Variants in C6 observed in about 807,000 individuals in gnomAD.
C6 encodes the protein complement component C6.
A neutral mutation model predicts 112.9 loss-of-function variants in C6; 101 were observed. The observed-to-expected ratio is 0.89, with a 90% CI of 0.76 to 1.06. The LOEUF is 1.06. C6 is among the 50% of genes least tolerant of loss of function. The pLI, the probability that C6 is intolerant of heterozygous loss-of-function variation, is 0.00. For synonymous variants in C6, 431 were observed against 384.1 expected, an observed-to-expected ratio of 1.12 and a Z score of -1.43; for missense variants, 1,202 against 1,104.6, an observed-to-expected ratio of 1.09 and a Z score of -1.25.
chr5:41,219,385 T>G (rs576024628), intron 1 of C6, among the ~76,000 whole-genome samples: 1 of 152,146 alleles, frequency 6.6e-6, no homozygotes, highest in African/African-American at 2.4e-5. Flanking sequence ...CAGATAAAGC[T>G]GTTGAGAGAG....
intron 9 of C6, among the ~76,000 whole-genome samples, chr5:41,170,289 T>G (rs1748317287): frequency 6.6e-6 from 1 of 151,916 alleles, no homozygotes; most frequent in Non-Finnish European, 1.5e-5. Context: ...TGTGATTAAT[T>G]TTATTAATTT....
chr5:41,196,978 G>A (rs1750667394), intron 4 of C6, among the ~76,000 whole-genome samples: 1 of 152,106 alleles, frequency 6.6e-6, no homozygotes, highest in Non-Finnish European at 1.5e-5. Context: ...GTACCAGTAT[G>A]TACAGGTCCA....
chr5:41,211,120 A>C (rs559994691), intron 1 of C6, among the ~76,000 whole-genome samples: 1 of 152,284 alleles, frequency 6.6e-6, no homozygotes, highest in Admixed American at 6.5e-5. Flanking sequence ...CATCATTTTG[A>C]GCAAACTATC....
chr5:41,146,520 A>G (rs980930103), intron 17 of C6, among the ~76,000 whole-genome samples: 12 of 152,170 alleles, frequency 7.9e-5, no homozygotes, highest in African/African-American at 2.4e-4. Flanking sequence ...ATACTTTTCT[A>G]TAGTGCTAAT....
intron 1 of C6, among the ~76,000 whole-genome samples, chr5:41,225,801 A>G (rs1739452326): frequency 6.6e-6 from 1 of 152,192 alleles, no homozygotes; most frequent in Admixed American, 6.5e-5. Context: ...AATGCCACAT[A>G]TCTACAACTA....
At chr5:41,238,397 C>T (rs998521998) in intron 1 of C6, among the ~76,000 whole-genome samples, 12 of 151,940 alleles carry the variant, frequency 7.9e-5, no homozygotes, top group African/African-American at 2.7e-4. Context: ...ATCAATGGAA[C>T]AGAACAGAGC....
chr5:41,243,105 T>C (rs887378961), intron 1 of C6, among the ~76,000 whole-genome samples: 4 of 152,170 alleles, frequency 2.6e-5, no homozygotes, highest in Non-Finnish European at 4.4e-5. Context: ...TAGTGAATAA[T>C]AGGATATTGT....
chr5:41,233,587 G>A (rs1740042842), intron 1 of C6, among the ~76,000 whole-genome samples: 1 of 152,020 alleles, frequency 6.6e-6, no homozygotes, highest in South Asian at 2.1e-4. Flanking sequence ...CAGCAAAGTA[G>A]GCAATAAGAT....
intron 6 of C6, among the ~76,000 whole-genome samples, chr5:41,181,852 A>T (rs184905720): frequency 1.2e-3 from 181 of 152,320 alleles, no homozygotes; most frequent in African/African-American, 4.0e-3. Flanking sequence ...CCTCAAGGAA[A>T]TGCCACCTAA....
intron 1 of C6, among the ~76,000 whole-genome samples, chr5:41,258,468 A>G (rs1741850284): frequency 6.6e-6 from 1 of 152,218 alleles, no homozygotes; most frequent in Non-Finnish European, 1.5e-5. Flanking sequence ...TAACAGAAAA[A>G]GTTTCTAACT....
At chr5:41,200,443 C>T (rs1750925692) in intron 3 of C6, among the ~76,000 whole-genome samples, 1 of 152,094 alleles carries the variant, frequency 6.6e-6, no homozygotes, top group South Asian at 2.1e-4. Context: ...AAAGTACTGA[C>T]TTTGAAGTCA....
At chr5:41,164,021 C>T (rs73750299) in intron 9 of C6, among the ~76,000 whole-genome samples, 3,303 of 149,346 alleles carry the variant, frequency 0.022, 126 homozygotes, top group African/African-American at 0.077. Context: ...AACTCAGACT[C>T]TCAATGAGTA....
At chr5:41,184,756 G>C (rs1228289576) in intron 6 of C6, among the ~76,000 whole-genome samples, 2 of 152,116 alleles carry the variant, frequency 1.3e-5, no homozygotes, top group Admixed American at 1.3e-4. Flanking sequence ...TTACAGATGT[G>C]AGCCACCACA....
chr5:41,187,202 C>A (rs769922017), intron 5 of C6, among the ~76,000 whole-genome samples: 156 of 152,278 alleles, frequency 1.0e-3, no homozygotes, highest in Middle Eastern at 3.4e-3. Context: ...CAATGCCCTT[C>A]CCTTCTCATG....
rs894628602 is a variant in C6 at position 41,212,453 on chromosome 5, C to T, written c.-21+923G>A. Among the ~76,000 whole-genome samples, 50 of 152,080 alleles carry T rather than the reference C, an allele frequency of 3.3e-4. 1 individual carries two copies. Among genetic ancestry groups the T allele is most frequent in the Non-Finnish European group, 1.5e-4 (10 of 68,012 alleles). ...GGATTACAAGCGTGAGCCACCAAGC[C>T]CAGCAACAATTTTTAATCAAATAAA... On this transcript the variant is annotated intron_variant, in intron 1 of 17. Coordinates refer to ENST00000337836, the MANE Select transcript of C6 (RefSeq NM_000065.5).
chr5:41,195,888 C>T lies in C6; in HGVS notation c.491G>A (p.Cys164Tyr), dbSNP rs1262554388. ...GTCCCTTTCATCTGAATTGTCTCCA[C>T]AGTCATTTTCTCCATTGCATTCTAA... is the stretch of plus-strand genomic sequence containing the variant. ...RKLECNGEND[C>Y]GDNSDERDCG... Residue 164 changes from cysteine to tyrosine, a missense_variant, in exon 5 of 18, where the codon TGT becomes TAT. Coordinates refer to ENST00000337836, the MANE Select transcript of C6 (RefSeq NM_000065.5). 1.9e-6 allele frequency: 3 copies of T among 1,613,904 alleles called. No homozygotes were observed. Among genetic ancestry groups the T allele is most frequent in the African/African-American group, 1.3e-5 (1 of 74,930 alleles).
At chr5:41,249,310 A>T (rs1040439740) in intron 1 of C6, among the ~76,000 whole-genome samples, 2 of 152,240 alleles carry the variant, frequency 1.3e-5, no homozygotes, top group African/African-American at 4.8e-5. Flanking sequence ...ACATTAAAAA[A>T]AAGTCAGTTC....
At chr5:41,212,530 A>G (rs1186112904) in intron 1 of C6, among the ~76,000 whole-genome samples, 1 of 152,166 alleles carries the variant, frequency 6.6e-6, no homozygotes, top group Non-Finnish European at 1.5e-5. Context: ...ATATTGTATT[A>G]TATGGTTTCT....
At chr5:41,154,390 C>G (rs1746701525) in intron 14 of C6, among the ~76,000 whole-genome samples, 1 of 151,840 alleles carries the variant, frequency 6.6e-6, no homozygotes, top group African/African-American at 2.4e-5. Context: ...GGTCTCAACT[C>G]TGCTTCATGG....
Sources: gnomAD v4.1 joint callset for allele counts (sites outside exome capture counted in the v4.1 genomes callset) on GRCh38, gnomAD v4.1.1 for gene constraint, MANE v1.5 for transcripts, NCBI Gene and HGNC (gene_info 2026-07-23, HGNC 2026-07-21) for gene names.